The following IMMP2L variants were observed in gnomAD, a reference collection of about 807,000 sequenced individuals.
The protein encoded by IMMP2L is inner mitochondrial membrane peptidase subunit 2, also known as mitochondrial inner membrane protease subunit 2.
A neutral mutation model predicts 19.3 loss-of-function variants in IMMP2L; 18 were observed. That is an observed-to-expected ratio of 0.93 (90% CI 0.64 to 1.38). IMMP2L has a LOEUF of 1.38. Among genes scored for constraint, IMMP2L ranks in the 40% most tolerant of loss-of-function variants. IMMP2L has a pLI of 0.00. For missense variants in IMMP2L, 233 were observed against 218.2 expected, an observed-to-expected ratio of 1.07 and a Z score of -0.43; for synonymous variants, 76 against 73.0, an observed-to-expected ratio of 1.04 and a Z score of -0.21.
In IMMP2L at chr7:110,740,484, C is replaced by T. The variant is rs140495236; in HGVS notation, c.409-76763G>A. 5.1e-4 allele frequency among the ~76,000 whole-genome samples: 78 copies of T among 152,114 alleles called. No individual in the cohort carries two copies. The East Asian group carries it at 0.012, about 24-fold the overall frequency. On this transcript the variant is annotated intron_variant, in intron 5 of 5. Coordinates refer to ENST00000405709, the MANE Select transcript of IMMP2L (RefSeq NM_032549.4). ...AAAACCTAGAGGAGACAGATAAATT[C>T]CTGGAAATATACAACCCTCCTAGAT...
chr7:110,975,208 T>C (rs1414773645), intron 3 of IMMP2L, among the ~76,000 whole-genome samples: 1 of 152,120 alleles, frequency 6.6e-6, no homozygotes, highest in Non-Finnish European at 1.5e-5. Flanking sequence ...GTCAAAATTA[T>C]AACTCTATAG....
chr7:111,383,132 T>A (rs1200512431), intron 3 of IMMP2L, among the ~76,000 whole-genome samples: 1 of 152,154 alleles, frequency 6.6e-6, no homozygotes, highest in Non-Finnish European at 1.5e-5. Flanking sequence ...TCTCTACGGT[T>A]TCTATCTATG....
intron 5 of IMMP2L, among the ~76,000 whole-genome samples, chr7:110,675,923 C>A (rs186286230): frequency 6.6e-6 from 1 of 152,224 alleles, no homozygotes; most frequent in African/African-American, 2.4e-5. Context: ...ATTATTTTGA[C>A]AAGTGAACAT....
At chr7:110,937,364 T>C (rs756859156) in intron 4 of IMMP2L, among the ~76,000 whole-genome samples, 1 of 152,120 alleles carries the variant, frequency 6.6e-6, no homozygotes, top group Non-Finnish European at 1.5e-5. Context: ...CGTGGGCCAC[T>C]GGGTTTATGT....
chr7:110,883,428 A>G (rs1195576532), intron 5 of IMMP2L, among the ~76,000 whole-genome samples: 4 of 152,306 alleles, frequency 2.6e-5, no homozygotes, highest in Non-Finnish European at 4.4e-5. Context: ...TAAGGTATCA[A>G]TGAAAAAAGT....
intron 5 of IMMP2L, among the ~76,000 whole-genome samples, chr7:110,842,001 C>A (rs923663221): frequency 3.3e-5 from 5 of 152,108 alleles, no homozygotes; most frequent in Admixed American, 1.3e-4. Flanking sequence ...ATTAGCAGTA[C>A]AGACATACAT....
intron 3 of IMMP2L, among the ~76,000 whole-genome samples, chr7:111,197,701 A>G (rs914036745): frequency 1.3e-5 from 2 of 152,190 alleles, no homozygotes; most frequent in Admixed American, 1.3e-4. Context: ...CAGCAGAACT[A>G]CTATACAATG....
At chr7:111,496,202 C>T (rs539948796) in intron 2 of IMMP2L, among the ~76,000 whole-genome samples, 25 of 152,228 alleles carry the variant, frequency 1.6e-4, no homozygotes, top group African/African-American at 6.0e-4. Flanking sequence ...TCTTCCCTTG[C>T]TATTCAGGGG....
rs1004633089 is a variant in IMMP2L, at chr7:110,956,382, G to A, written c.305+7118C>T. Among the ~76,000 whole-genome samples, 26 of 151,938 alleles carry A rather than the reference G, an allele frequency of 1.7e-4. 1 individual carries two copies. Among genetic ancestry groups the A allele is most frequent in the Non-Finnish European group, 1.9e-4 (13 of 67,968 alleles). On this transcript the variant is annotated intron_variant, in intron 4 of 5. Coordinates refer to ENST00000405709, the MANE Select transcript of IMMP2L (RefSeq NM_032549.4). ...GTACACACTTCTTGACAACAGCATC[G>A]ATCCTCCCCTGCCTGATTCCTCCCT...
chr7:111,328,169 G>A (rs1825516406), intron 3 of IMMP2L, among the ~76,000 whole-genome samples: 1 of 151,684 alleles, frequency 6.6e-6, no homozygotes, highest in African/African-American at 2.4e-5. Flanking sequence ...CTCTCTCAGA[G>A]TATTCTCCTA....
intron 3 of IMMP2L, among the ~76,000 whole-genome samples, chr7:111,074,621 C>T (rs939254525): frequency 2.6e-5 from 4 of 152,194 alleles, no homozygotes; most frequent in Non-Finnish European, 4.4e-5. Context: ...GAGTTTTCAT[C>T]TACACAGACA....
chr7:110,861,098 T>TGTGTGA (rs780880935), intron 5 of IMMP2L, among the ~76,000 whole-genome samples: 55 of 141,714 alleles, frequency 3.9e-4, no homozygotes, highest in Middle Eastern at 3.5e-3. Flanking sequence ...TGTGTGTGTG[T>TGTGTGA]GAGAGAGAGA....
intron 5 of IMMP2L, among the ~76,000 whole-genome samples, chr7:110,702,857 T>A (rs1794379957): frequency 6.6e-6 from 1 of 152,156 alleles, no homozygotes; most frequent in Non-Finnish European, 1.5e-5. Flanking sequence ...TTTTTAAAAC[T>A]TTTACTTTTC....
chr7:111,493,899 C>T (rs1485925506), intron 2 of IMMP2L, among the ~76,000 whole-genome samples: 1 of 150,874 alleles, frequency 6.6e-6, no homozygotes, highest in Non-Finnish European at 1.5e-5. Context: ...ACTCGGGAGG[C>T]TGAGGCAGGA....
chr7:110,700,899 T>C (rs1260741378), intron 5 of IMMP2L, among the ~76,000 whole-genome samples: 2 of 152,184 alleles, frequency 1.3e-5, no homozygotes, highest in African/African-American at 2.4e-5. Context: ...TGTTCAATTT[T>C]GGGGAAACTG....
chr7:110,868,102 A>T (rs980146305), intron 5 of IMMP2L, among the ~76,000 whole-genome samples: 2 of 105,404 alleles, frequency 1.9e-5, no homozygotes. Flanking sequence ...TCTGAATACC[A>T]GGTTCTTGTG....
chr7:110,666,505 A>G (rs987288482), intron 5 of IMMP2L, among the ~76,000 whole-genome samples: 1 of 151,840 alleles, frequency 6.6e-6, no homozygotes, highest in Non-Finnish European at 1.5e-5. Flanking sequence ...TGATCTCTTG[A>G]CCTCGTGATC....
intron 5 of IMMP2L, among the ~76,000 whole-genome samples, chr7:110,800,054 T>C (rs939584442): frequency 9.9e-5 from 15 of 152,130 alleles, no homozygotes; most frequent in African/African-American, 3.1e-4. Context: ...TTATTAATCT[T>C]TTCTTCATTA....
At chr7:110,840,539 C>T (rs535245904) in intron 5 of IMMP2L, among the ~76,000 whole-genome samples, 7 of 152,172 alleles carry the variant, frequency 4.6e-5, no homozygotes, top group South Asian at 2.1e-4. Context: ...AGTACTGTCA[C>T]ATAAATGCAG....
Sources: allele counts gnomAD v4.1 joint callset (sites outside exome capture counted in the v4.1 genomes callset), GRCh38; gene constraint gnomAD v4.1.1; transcripts MANE v1.5; gene names NCBI Gene and HGNC (gene_info 2026-07-23, HGNC 2026-07-21).